Variants in APP observed in about 807,000 individuals in gnomAD.
The protein encoded by APP is amyloid beta precursor protein.
A neutral mutation model predicts 101.4 loss-of-function variants in APP; 31 were observed. The ratio of observed to expected loss-of-function variants is 0.31; its 90% CI spans 0.23 to 0.41. The LOEUF (loss-of-function observed/expected upper bound fraction) is 0.41. APP is among the 10% of genes least tolerant of loss of function. The pLI is 1.00. For missense variants in APP, 839 were observed against 1,003.7 expected (o/e 0.84, Z 2.22); for synonymous variants, 366 against 364.4 (o/e 1.00, Z -0.05).
rs1555898902 is a variant in APP at position 25,935,858 on chromosome 21, A to AC, written c.1687+18731_1687+18732insG. On this transcript the variant is annotated intron_variant, in intron 13 of 17. Coordinates refer to ENST00000346798, the MANE Select transcript of APP (RefSeq NM_000484.4). ...CTGTCTCAAAAAAAAAAAAAAAAAAAAAACCTGTCAAATCCCTCCATACAA... is the reference window on the plus strand; with the variant it reads ...CTGTCTCAAAAAAAAAAAAAAAAAAACAAACCTGTCAAATCCCTCCATACAA... 7.4e-3 allele frequency among the ~76,000 whole-genome samples: 1,105 copies of AC among 150,112 alleles called. 23 individuals carry two copies. Among genetic ancestry groups the AC allele is most frequent in the African/African-American group, 0.026 (1,060 of 40,124 alleles).
At chr21:26,152,284 C>CAAAAAAAAAAAAAAAAAA (rs1161739630) in intron 1 of APP, among the ~76,000 whole-genome samples, 3 of 36,178 alleles carry the variant, frequency 8.3e-5, no homozygotes, top group Non-Finnish European at 1.3e-4. Context: ...GACTCCATCT[C>CAAAAAAAAAAAAAAAAAA]AAAAAAAAAA....
intron 1 of APP, among the ~76,000 whole-genome samples, chr21:26,157,190 C>A (rs965445981): frequency 2.0e-5 from 3 of 152,140 alleles, no homozygotes; most frequent in Admixed American, 6.5e-5. Flanking sequence ...CTGTCTCAGC[C>A]TCCCGAGTAA....
intron 15 of APP, among the ~76,000 whole-genome samples, chr21:25,903,420 A>G (rs1358730878): frequency 6.6e-6 from 1 of 152,062 alleles, no homozygotes; most frequent in African/African-American, 2.4e-5. Flanking sequence ...AGAAAAAAAC[A>G]TTGACTGGTA....
chr21:26,140,152 C>T (rs1185837712), intron 1 of APP: 2 of 1,530,852 alleles, frequency 1.3e-6, no homozygotes, highest in Non-Finnish European at 1.8e-6. Context: ...TACTCACTTA[C>T]ATAGTTGATA....
intron 3 of APP, among the ~76,000 whole-genome samples, chr21:26,075,881 T>C (rs574833239): frequency 6.6e-6 from 1 of 152,064 alleles, no homozygotes; most frequent in Non-Finnish European, 1.5e-5. Flanking sequence ...CCCATGAATA[T>C]ATTTATTTAT....
At chr21:25,881,799 AAAAT>A (rs1404493875) in intron 17 of APP, 28 bp from the exon 18 acceptor site, 3 of 1,601,416 alleles carry the variant, frequency 1.9e-6, no homozygotes, top group Admixed American at 3.3e-5. Context: ...AGCTGAGTAA[AAAAT>A]AAAAATCAAT....
chr21:25,961,881 T>C (rs1228459997), intron 11 of APP, among the ~76,000 whole-genome samples: 3 of 151,954 alleles, frequency 2.0e-5, no homozygotes, highest in South Asian at 4.1e-4. Context: ...GAAAAGGATA[T>C]TGATAAAGAG....
chr21:25,993,569 C>T (rs1680143637), intron 8 of APP, among the ~76,000 whole-genome samples: 5 of 152,220 alleles, frequency 3.3e-5, no homozygotes, highest in Admixed American at 3.3e-4. Context: ...CTTTACCTTG[C>T]AAATATTGAG....
chr21:26,162,237 G>T (rs1057367772), intron 1 of APP, among the ~76,000 whole-genome samples: 2 of 152,226 alleles, frequency 1.3e-5, no homozygotes, highest in African/African-American at 4.8e-5. Context: ...GCTGGGGCAG[G>T]AAGATGGCTT....
intron 1 of APP, among the ~76,000 whole-genome samples, chr21:26,160,970 A>C (rs982578871): frequency 6.6e-6 from 1 of 152,236 alleles, no homozygotes; most frequent in African/African-American, 2.4e-5. Flanking sequence ...AAAAAAAAGA[A>C]TCTTATTTAA....
At chr21:25,976,139 TA>T in intron 9 of APP, 111 bp from the exon 10 acceptor site, 2 of 880,678 alleles carry the variant, frequency 2.3e-6, no homozygotes, top group Non-Finnish European at 1.8e-6. Context: ...TTTAGATATT[TA>T]AAAAATTTAT....
chr21:25,884,590 C>G (rs17001462), intron 17 of APP, among the ~76,000 whole-genome samples: 2 of 107,350 alleles, frequency 1.9e-5, no homozygotes, highest in Non-Finnish European at 4.0e-5. Flanking sequence ...CTCTGTAAAT[C>G]TGTGTGCCAG....
At chr21:26,017,929 G>C (rs2044173973) in intron 6 of APP, among the ~76,000 whole-genome samples, 1 of 152,060 alleles carries the variant, frequency 6.6e-6, no homozygotes, top group African/African-American at 2.4e-5. Flanking sequence ...GATAGATCTT[G>C]CAATCGTGTG....
At chr21:26,049,799 A>C (rs2045762153) in intron 5 of APP, among the ~76,000 whole-genome samples, 1 of 152,172 alleles carries the variant, frequency 6.6e-6, no homozygotes, top group South Asian at 2.1e-4. Flanking sequence ...ATGGACTAAA[A>C]GCCTGAACTG....
chr21:26,142,121 C>T (rs2063059117), intron 1 of APP, among the ~76,000 whole-genome samples: 1 of 152,160 alleles, frequency 6.6e-6, no homozygotes, highest in Non-Finnish European at 1.5e-5. Context: ...GTATTTGCAC[C>T]ATTTAAGGTG....
chr21:25,998,295 T>C lies in APP; in HGVS notation c.1034-879A>G, dbSNP rs892446728. Among the ~76,000 whole-genome samples the C allele has an allele frequency of 6.6e-5, 10 of 152,120 alleles. No individual in the cohort carries two copies. The East Asian group carries it at 7.8e-4, about 12-fold the overall frequency. On this transcript the variant is annotated intron_variant, in intron 7 of 17. Coordinates refer to ENST00000346798, the MANE Select transcript of APP (RefSeq NM_000484.4). The stretch of plus-strand genomic sequence containing the variant: ...AGGCTGCAGGCAACAGAATTCTCCA[T>C]TGTGTTCGCAATACCTGACCTAATT...
At chr21:26,150,062 A>T (rs1261599909) in intron 1 of APP, among the ~76,000 whole-genome samples, 1 of 152,208 alleles carries the variant, frequency 6.6e-6, no homozygotes, top group African/African-American at 2.4e-5. Context: ...GAAAAAACAC[A>T]AATTTTATTT....
chr21:25,951,039 C>T (rs1022823277), intron 13 of APP, among the ~76,000 whole-genome samples: 3 of 152,164 alleles, frequency 2.0e-5, no homozygotes, highest in Non-Finnish European at 4.4e-5. Context: ...GGATTCAGTA[C>T]GCTGGCTGTG....
At chr21:26,031,105 T>A (rs1172686771) in intron 5 of APP, among the ~76,000 whole-genome samples, 1 of 151,436 alleles carries the variant, frequency 6.6e-6, no homozygotes, top group African/African-American at 2.4e-5. Flanking sequence ...GGCCGGGCTG[T>A]TGCAGTTTCT....
Sources: gnomAD v4.1 joint callset for allele counts (sites outside exome capture counted in the v4.1 genomes callset) on GRCh38, gnomAD v4.1.1 for gene constraint, MANE v1.5 for transcripts, NCBI Gene and HGNC (gene_info 2026-07-23, HGNC 2026-07-21) for gene names.